Variants in CAGE1 observed in about 807,000 individuals in gnomAD.
The protein encoded by CAGE1 is cancer antigen 1.
In CAGE1, 66 loss-of-function variants were observed where a neutral mutation model predicts 94.9. The observed-to-expected ratio is 0.70, with a 90% confidence interval of 0.57 to 0.85. The LOEUF (loss-of-function observed/expected upper bound fraction) is 0.85, where lower values mean the gene tolerates loss of function less well. CAGE1 is among the 40% of genes least tolerant of loss of function. The probability of loss-of-function intolerance (pLI) is 0.00; values close to 1 mark genes in which losing one functional copy is unlikely to be tolerated. For missense variants in CAGE1, 865 were observed against 950.4 expected (o/e 0.91, Z 1.18); for synonymous variants, 319 against 321.0 (o/e 0.99, Z 0.07).
chr6:7,373,928 T>C lies in CAGE1; in HGVS notation c.891A>G (p.Gln297=), dbSNP rs1339939106. 1 of 1,614,026 alleles carries C rather than the reference T, an allele frequency of 6.2e-7. No homozygotes were observed. Among genetic ancestry groups the C allele is most frequent in the Admixed American group, 1.7e-5 (1 of 60,026 alleles). Residue 297 remains glutamine (Q), a synonymous_variant, in exon 5 of 14, where the codon CAA becomes CAG. Transcript: ENST00000502583. ...PDWEQSAESL[Q]PVQEDMALNE... is the part of the protein sequence containing the mutation. ...TTAAAGCCATGTCCTCTTGAACAGG[T>C]TGTAAGCTTTCAGCACTTTGCTCCC... is the stretch of plus-strand genomic sequence containing the variant.
intron 11 of CAGE1, among the ~76,000 whole-genome samples, chr6:7,351,271 G>C (rs1759756459): frequency 6.6e-6 from 1 of 151,928 alleles, no homozygotes; most frequent in South Asian, 2.1e-4. Context: ...ACCCTGAACA[G>C]ACCAATAACA....
intron 9 of CAGE1, among the ~76,000 whole-genome samples, chr6:7,358,050 A>G (rs1359388046): frequency 8.3e-6 from 1 of 120,848 alleles, no homozygotes; most frequent in Non-Finnish European, 1.7e-5. Context: ...ATATATATAT[A>G]TATATATATA....
In CAGE1 at chr6:7,362,819, A is replaced by G. The variant is rs1227858399; in HGVS notation, c.2193+2649T>C. ...TAATGAACCTCCATGTTTCCATCCC[A>G]TAACTTCAACAATTATCAACATTTT... On this transcript the variant is annotated intron_variant, in intron 9 of 13. Coordinates refer to ENST00000502583, the MANE Select transcript of CAGE1 (RefSeq NM_001170692.2). The surrounding 1 kb of genome is among the most constrained non-coding windows in gnomAD (Gnocchi z 4.1). 3.9e-5 allele frequency among the ~76,000 whole-genome samples: 6 copies of G among 152,184 alleles called. No individual in the cohort carries two copies. Among genetic ancestry groups the G allele is most frequent in the Admixed American group, 2.0e-4 (3 of 15,274 alleles).
chr6:7,328,335 T>C (rs1459459860), intron 13 of CAGE1, among the ~76,000 whole-genome samples: 1 of 152,174 alleles, frequency 6.6e-6, no homozygotes, highest in Non-Finnish European at 1.5e-5. Flanking sequence ...TGCTGTGTCA[T>C]AGGTGCTATT....
intron 4 of CAGE1, among the ~76,000 whole-genome samples, chr6:7,374,663 G>C (rs1760673598): frequency 6.6e-6 from 1 of 151,852 alleles, no homozygotes; most frequent in Non-Finnish European, 1.5e-5. Context: ...TGACTCTCAG[G>C]AACATTAGAA....
At chr6:7,379,467 A>G (rs1213574991) in intron 3 of CAGE1, among the ~76,000 whole-genome samples, 1 of 152,210 alleles carries the variant, frequency 6.6e-6, no homozygotes, top group African/African-American at 2.4e-5. Flanking sequence ...ACTGAAGTGT[A>G]AGAGATGTTA....
chr6:7,331,648 G>A (rs1367681274), intron 12 of CAGE1: 13 of 231,754 alleles, frequency 5.6e-5, no homozygotes, highest in Non-Finnish European at 9.0e-6. Context: ...CAGAGCGGGG[G>A]TGCAGGCGAG....
Position 7,373,083 on chromosome 6 carries a change from T to C in CAGE1, c.1736A>G (p.Asp579Gly), listed in dbSNP as rs1760603899. The change falls in exon 5 of 14, where the codon GAT (aspartate) becomes GGT (glycine). Residue 579 changes from aspartate (D) to glycine (G), a missense_variant. Asp to Gly is a moderately conservative substitution (Grantham distance 94). Transcript: ENST00000502583. Reference protein sequence around the residue: ...KDQLEEVLKSDITKDTKTTHS... With the variant: ...KDQLEEVLKSGITKDTKTTHS... ...AATGTGTATCAATACCTTGGTAATATCTGACTTCAAGACTTCCTCTAATTG... is the reference window on the plus strand; with the variant it reads ...AATGTGTATCAATACCTTGGTAATACCTGACTTCAAGACTTCCTCTAATTG... 1 of 1,599,914 alleles carries C rather than the reference T, an allele frequency of 6.3e-7. No homozygotes were observed. The highest frequency in any genetic ancestry group is 8.5e-7 in the Non-Finnish European group (1 of 1,174,058).
At chr6:7,326,981 T>G (rs1758560934) in intron 13 of CAGE1, 82 bp from the exon 14 acceptor site, 1 of 960,434 alleles carries the variant, frequency 1.0e-6, no homozygotes, top group African/African-American at 1.6e-5. Flanking sequence ...AGCCAATTTT[T>G]TATTACATAT....
chr6:7,327,669 G>A (rs1758581405), intron 13 of CAGE1, among the ~76,000 whole-genome samples: 3 of 152,122 alleles, frequency 2.0e-5, no homozygotes, highest in Non-Finnish European at 2.9e-5. Context: ...GGTGGCTCAC[G>A]CCTGTAATCC....
intron 11 of CAGE1, among the ~76,000 whole-genome samples, chr6:7,335,610 C>A (rs1294655374): frequency 6.6e-6 from 1 of 152,250 alleles, no homozygotes; most frequent in East Asian, 1.9e-4. Flanking sequence ...GACAGAGTCT[C>A]ACCCTGTCAT....
At chr6:7,385,731 G>T in intron 3 of CAGE1, 54 bp downstream of exon 3, 3 of 1,081,928 alleles carry the variant, frequency 2.8e-6, no homozygotes, top group South Asian at 3.3e-5. Flanking sequence ...TACTATCACG[G>T]AACACAAAAA....
intron 4 of CAGE1, among the ~76,000 whole-genome samples, chr6:7,377,286 C>T (rs1452002305): frequency 1.3e-5 from 2 of 152,076 alleles, no homozygotes; most frequent in African/African-American, 2.4e-5. Context: ...AACAATCTTG[C>T]GAAACCCTAT....
chr6:7,337,042 G>T (rs1267997325), intron 11 of CAGE1, among the ~76,000 whole-genome samples: 1 of 151,994 alleles, frequency 6.6e-6, no homozygotes, highest in African/African-American at 2.4e-5. Flanking sequence ...GCAGTTTTAG[G>T]CTGGGCAAGG....
intron 11 of CAGE1, among the ~76,000 whole-genome samples, chr6:7,354,798 A>G (rs1432343835): frequency 6.6e-6 from 1 of 152,202 alleles, no homozygotes; most frequent in African/African-American, 2.4e-5. Context: ...TTTCTTAGTA[A>G]TTCCTTCATC....
intron 5 of CAGE1, among the ~76,000 whole-genome samples, chr6:7,370,866 T>A (rs1387951221): frequency 6.6e-6 from 1 of 152,162 alleles, no homozygotes; most frequent in Non-Finnish European, 1.5e-5. Context: ...AAAAATACTT[T>A]TGACTTCACA....
chr6:7,389,675 A>C lies in CAGE1; in HGVS notation c.-497T>G. On this transcript the variant is annotated 5_prime_UTR_variant, in exon 1 of 14. Coordinates refer to ENST00000502583, the MANE Select transcript of CAGE1 (RefSeq NM_001170692.2). ...CAGCACGGGCCTCGCCGTGCCGGCTACTCAACACGCCTTCCTGAGAGCACA... is the reference window on the plus strand; with the variant it reads ...CAGCACGGGCCTCGCCGTGCCGGCTCCTCAACACGCCTTCCTGAGAGCACA... The C allele has an allele frequency of 4.6e-6, 2 of 432,414 alleles. No homozygotes were observed. The highest frequency in any genetic ancestry group is 4.3e-6 in the Non-Finnish European group (1 of 233,456). 26.8% of individuals were successfully genotyped at this position (432,414 alleles called of 1,614,324 possible).
intron 9 of CAGE1, among the ~76,000 whole-genome samples, chr6:7,361,833 A>G (rs1298072359): frequency 2.0e-5 from 3 of 152,214 alleles, no homozygotes; most frequent in Non-Finnish European, 2.9e-5. Context: ...TAAACTAAGA[A>G]TGTAAGATTC....
chr6:7,376,792 C>T (rs1439645034), intron 4 of CAGE1, among the ~76,000 whole-genome samples: 1 of 152,180 alleles, frequency 6.6e-6, no homozygotes, highest in African/African-American at 2.4e-5. Context: ...GTTCTTCCTT[C>T]TGTATGGAAG....
Sources: gnomAD v4.1 joint callset for allele counts (sites outside exome capture counted in the v4.1 genomes callset) on GRCh38, gnomAD v4.1.1 for gene constraint, Gnocchi (gnomAD v3.1) non-coding constraint, MANE v1.5 for transcripts, NCBI Gene and HGNC (gene_info 2026-07-23, HGNC 2026-07-21) for gene names.